CSPP1: variants seen among roughly 807,000 people sequenced by gnomAD.
CSPP1 encodes the protein centrosome and spindle pole-associated protein 1.
CSPP1 carries 126 observed loss-of-function variants against 164.4 expected under a neutral mutation model. The observed-to-expected ratio is 0.77, with a 90% CI of 0.66 to 0.89. CSPP1 has a LOEUF of 0.89. CSPP1 is among the 40% of genes least tolerant of loss of function. The pLI, the probability that CSPP1 is intolerant of heterozygous loss-of-function variation, is 0.00. For missense variants in CSPP1, 1,395 were observed against 1,449.8 expected, an observed-to-expected ratio of 0.96 and a Z score of 0.61; for synonymous variants, 472 against 476.7, an observed-to-expected ratio of 0.99 and a Z score of 0.13.
chr8:67,161,739 G>T lies in CSPP1; in HGVS notation c.2539-72G>T, dbSNP rs903639662. Reference sequence around the variant, plus strand: ...TAGATGACTTTCTTAACTATAAGGGGTGTGTGTGTGTGTATATATGTGTGT... The same window carrying T: ...TAGATGACTTTCTTAACTATAAGGGTTGTGTGTGTGTGTATATATGTGTGT... On this transcript the variant is annotated intron_variant, in intron 21 of 30. Transcript: ENST00000678616. The T allele has an allele frequency of 8.1e-6, 5 of 617,704 alleles. No homozygotes were observed. In the East Asian group the frequency reaches 1.2e-4, roughly 15 times the overall value. The allele number at this position is 617,704 out of a possible 1,614,324, so 38.3% of individuals were successfully genotyped here.
chr8:67,184,732 ATAAT>A (rs1833960613), intron 28 of CSPP1, among the ~76,000 whole-genome samples: 2 of 145,554 alleles, frequency 1.4e-5, no homozygotes, highest in African/African-American at 5.1e-5. Context: ...TAAAAAAATA[ATAAT>A]AAAAAAATAT....
chr8:67,079,268 A>AT (rs1167789111), intron 3 of CSPP1, among the ~76,000 whole-genome samples: 6 of 152,168 alleles, frequency 3.9e-5, no homozygotes, highest in African/African-American at 9.7e-5. Flanking sequence ...TCCATTGGAC[A>AT]TCTGTACTTG....
At chr8:67,108,488 G>C (rs1034564477) in intron 9 of CSPP1, among the ~76,000 whole-genome samples, 3 of 151,700 alleles carry the variant, frequency 2.0e-5, no homozygotes, top group Admixed American at 6.6e-5. Context: ...TGCTTCTATT[G>C]ATTGCTTAGA....
intron 14 of CSPP1, 46 bp downstream of exon 14, chr8:67,118,415 A>G (rs749893583): frequency 6.2e-7 from 1 of 1,602,576 alleles, no homozygotes; most frequent in East Asian, 2.2e-5. Context: ...TTGGCTCAAT[A>G]AGGAAAATTG....
intron 28 of CSPP1, among the ~76,000 whole-genome samples, chr8:67,181,639 G>A (rs1371292354): frequency 6.6e-6 from 1 of 152,126 alleles, no homozygotes; most frequent in Non-Finnish European, 1.5e-5. Flanking sequence ...GATGGTTTCA[G>A]TGCATTATTT....
chr8:67,177,128 T>C (rs1371808830), intron 26 of CSPP1, among the ~76,000 whole-genome samples: 6 of 150,320 alleles, frequency 4.0e-5, no homozygotes, highest in Non-Finnish European at 1.5e-5. Context: ...CACAAACATG[T>C]CTATTAAAAT....
chr8:67,173,849 A>T (rs899194110), intron 25 of CSPP1: 4 of 152,234 alleles, frequency 2.6e-5, no homozygotes, highest in African/African-American at 9.6e-5. Flanking sequence ...AACTGTTTGT[A>T]TTATAAACTA....
chr8:67,087,640 T>C (rs1810683678), intron 4 of CSPP1, among the ~76,000 whole-genome samples: 1 of 152,212 alleles, frequency 6.6e-6, no homozygotes, highest in Non-Finnish European at 1.5e-5. Flanking sequence ...ACTTTAGCTT[T>C]GTATGAATGA....
intron 3 of CSPP1, among the ~76,000 whole-genome samples, chr8:67,079,159 T>C (rs1808607783): frequency 6.6e-6 from 1 of 152,182 alleles, no homozygotes; most frequent in African/African-American, 2.4e-5. Context: ...TGTCCATATC[T>C]GCTCACAGGG....
At chr8:67,133,392 T>A (rs1821629342) in intron 16 of CSPP1, among the ~76,000 whole-genome samples, 1 of 152,224 alleles carries the variant, frequency 6.6e-6, no homozygotes. Context: ...AAAGCAAATA[T>A]CACAATGAAA....
chr8:67,195,386 TGA>T lies in CSPP1; in HGVS notation c.3478_3479del (p.Ser1160PhefsTer4), dbSNP rs2129576630. On this transcript the variant is annotated frameshift_variant, in exon 31 of 31. Coordinates refer to ENST00000678616, the MANE Select transcript of CSPP1 (RefSeq NM_001382391.1). LOFTEE classifies it high-confidence loss of function. ...CGTGTCCCTTGCCTCCTGTAGATGA[TGA>T]GAGTTCACTGGTTGACCCTGATGAC... ...FHNKPINTDD[E>X]SSLVDPDDIM... is the part of the protein sequence containing the mutation. 2 of 1,610,296 alleles carry T rather than the reference TGA, an allele frequency of 1.2e-6. No individual in the cohort carries two copies. Among genetic ancestry groups the T allele is most frequent in the Non-Finnish European group, 1.7e-6 (2 of 1,176,580 alleles).
Position 67,086,044 on chromosome 8 carries a change from CTA to C in CSPP1, c.239_240del (p.Tyr80Ter), listed in dbSNP as rs1212599937. ...YGLSLPLGED[Y>X]ERKKHKLKEE... ...GATTAAGTTTACCACTTGGAGAAGA[CTA>C]TGAACGGAAGAAACATAAATTAAAA... On this transcript the variant is annotated frameshift_variant, in exon 4 of 31. Coordinates refer to ENST00000678616, the MANE Select transcript of CSPP1 (RefSeq NM_001382391.1). LOFTEE classifies it high-confidence loss of function. 1.3e-6 allele frequency: 2 copies of C among 1,518,870 alleles called. No individual in the cohort carries two copies. The highest frequency in any genetic ancestry group is 1.7e-5 in the Admixed American group (1 of 59,882). 94.1% of individuals were successfully genotyped at this position (1,518,870 alleles called of 1,614,324 possible).
At chr8:67,171,377 GCA>G (rs1045783263) in intron 24 of CSPP1, among the ~76,000 whole-genome samples, 2 of 151,506 alleles carry the variant, frequency 1.3e-5, no homozygotes, top group African/African-American at 4.8e-5. Flanking sequence ...CTCCAGCCTG[GCA>G]AGAGAGCGAG....
intron 1 of CSPP1, chr8:67,064,980 A>C: frequency 6.5e-6 from 1 of 154,692 alleles, no homozygotes. Context: ...CTAGTCAGCC[A>C]CCTCCAGGGC....
At chr8:67,130,349 G>A (rs146010309) in intron 15 of CSPP1, among the ~76,000 whole-genome samples, 165 of 152,268 alleles carry the variant, frequency 1.1e-3, no homozygotes, top group African/African-American at 3.7e-3. Flanking sequence ...CAATATAGAC[G>A]GGAGGGATCA....
In CSPP1 at chr8:67,080,071, C is replaced by T. The variant is rs548341308; in HGVS notation, c.199+3490C>T. Among the ~76,000 whole-genome samples, 32 of 152,296 alleles carry T rather than the reference C, an allele frequency of 2.1e-4. 1 individual carries two copies. Among genetic ancestry groups the T allele is most frequent in the African/African-American group, 7.0e-4 (29 of 41,574 alleles). On this transcript the variant is annotated intron_variant, in intron 3 of 30. Coordinates refer to ENST00000678616, the MANE Select transcript of CSPP1 (RefSeq NM_001382391.1). ...GCATAAGCATTTAGTTACTGACCTC[C>T]TGCCTGATTAATTGTGGCTTTAAAA...
intron 9 of CSPP1, among the ~76,000 whole-genome samples, chr8:67,109,523 G>A (rs185220462): frequency 6.6e-6 from 1 of 152,256 alleles, no homozygotes; most frequent in African/African-American, 2.4e-5. Context: ...TTGTATACAA[G>A]TAAGTTACAG....
At chr8:67,107,983 G>GTTTTTTTTTTTTTTTTTTTTTTT (rs34204898) in intron 9 of CSPP1, among the ~76,000 whole-genome samples, 3 of 127,138 alleles carry the variant, frequency 2.4e-5, no homozygotes, top group African/African-American at 6.0e-5. Context: ...CTTTGACAAA[G>GTTTTTTTTTTTTTTTTTTTTTTT]TTTTTTTTTT....
chr8:67,171,196 A>G (rs1830400579), intron 24 of CSPP1, among the ~76,000 whole-genome samples: 1 of 150,698 alleles, frequency 6.6e-6, no homozygotes, highest in Non-Finnish European at 1.5e-5. Flanking sequence ...GTCAAGAGAT[A>G]GAGACCGTCC....
Sources: allele counts gnomAD v4.1 joint callset (sites outside exome capture counted in the v4.1 genomes callset), GRCh38; gene constraint gnomAD v4.1.1; transcripts MANE v1.5; gene names NCBI Gene and HGNC (gene_info 2026-07-23, HGNC 2026-07-21).